The following AK9 variants were observed in gnomAD, a reference collection of about 807,000 sequenced individuals.
AK9 encodes adenylate kinase domain containing 1.
In AK9, 191 loss-of-function variants were observed where a neutral mutation model predicts 239.6. The ratio of observed to expected loss-of-function variants is 0.80; its 90% CI spans 0.71 to 0.90. The LOEUF is 0.90. Ranked by LOEUF, AK9 falls within the 40% of genes least tolerant of loss-of-function variation. The pLI, the probability that AK9 is intolerant of heterozygous loss-of-function variation, is 0.00. For missense variants in AK9, 1,995 were observed against 2,214.7 expected (o/e 0.90, Z 1.99); for synonymous variants, 689 against 721.0 (o/e 0.96, Z 0.71).
intron 35 of AK9, among the ~76,000 whole-genome samples, chr6:109,504,769 A>G (rs1031990750): frequency 6.6e-6 from 1 of 152,216 alleles, no homozygotes; most frequent in Admixed American, 6.5e-5. Context: ...AGATCACACC[A>G]CTGCACTCCA....
At chr6:109,538,963 C>G (rs1782444689) in intron 27 of AK9, among the ~76,000 whole-genome samples, 1 of 152,178 alleles carries the variant, frequency 6.6e-6, no homozygotes, top group African/African-American at 2.4e-5. Context: ...AGAGTTTCTG[C>G]CGAGAGATCC....
chr6:109,522,311 C>A (rs754521719), intron 29 of AK9, among the ~76,000 whole-genome samples: 1 of 151,948 alleles, frequency 6.6e-6, no homozygotes, highest in African/African-American at 2.4e-5. Context: ...AATTTGAAGA[C>A]CTCCTGCTCT....
intron 1 of AK9, among the ~76,000 whole-genome samples, chr6:109,684,074 G>A (rs1044233811): frequency 1.3e-5 from 2 of 152,182 alleles, no homozygotes; most frequent in Non-Finnish European, 2.9e-5. Flanking sequence ...GAACAGAACA[G>A]AGGCCTCAGA....
At chr6:109,595,201 G>A (rs1312518095) in intron 17 of AK9, among the ~76,000 whole-genome samples, 1 of 152,192 alleles carries the variant, frequency 6.6e-6, no homozygotes, top group Non-Finnish European at 1.5e-5. Context: ...CAAAGGATAT[G>A]AACAGACACT....
At chr6:109,672,844 C>T (rs1562593603) in intron 3 of AK9, among the ~76,000 whole-genome samples, 1 of 152,138 alleles carries the variant, frequency 6.6e-6, no homozygotes, top group African/African-American at 2.4e-5. Context: ...CATTTAGTTA[C>T]AAAAGTATGC....
Position 109,614,494 on chromosome 6 carries a change from A to G in AK9, c.1400-14T>C, listed in dbSNP as rs1793932210. 1.3e-6 allele frequency: 2 copies of G among 1,547,348 alleles called. No homozygotes were observed. Among genetic ancestry groups the G allele is most frequent in the African/African-American group, 2.7e-5 (2 of 73,032 alleles). On this transcript the variant is annotated splice_polypyrimidine_tract_variant and intron_variant, in intron 13 of 40. Coordinates refer to ENST00000424296, the MANE Select transcript of AK9 (RefSeq NM_001145128.3). ...AAGCTGTTTCAGCTGAAATATAACA[A>G]TGGGTGGTGTTAGCAAAACGTAGTT...
chr6:109,598,093 C>G (rs961971972), intron 17 of AK9, among the ~76,000 whole-genome samples: 2 of 151,984 alleles, frequency 1.3e-5, no homozygotes, highest in Non-Finnish European at 1.5e-5. Context: ...TTAAATTATA[C>G]TTTAAGTTCT....
chr6:109,656,641 A>C (rs879682098), intron 8 of AK9, 115 bp downstream of exon 8: 23 of 1,197,224 alleles, frequency 1.9e-5, no homozygotes, highest in Non-Finnish European at 2.6e-5. Flanking sequence ...TACAAAGCTC[A>C]AGGGGAGAAT....
intron 17 of AK9, among the ~76,000 whole-genome samples, chr6:109,602,296 T>C (rs1792125958): frequency 6.6e-6 from 1 of 152,226 alleles, no homozygotes; most frequent in African/African-American, 2.4e-5. Context: ...CAGCATTTGC[T>C]TGTCTATAAA....
intron 21 of AK9, among the ~76,000 whole-genome samples, chr6:109,569,266 T>C (rs1465217494): frequency 1.3e-5 from 2 of 152,170 alleles, no homozygotes; most frequent in African/African-American, 4.8e-5. Context: ...TTACATCTTA[T>C]ACAAAAATTA....
At chr6:109,664,224 G>A (rs1800847000) in intron 5 of AK9, among the ~76,000 whole-genome samples, 1 of 151,880 alleles carries the variant, frequency 6.6e-6, no homozygotes, top group African/African-American at 2.4e-5. Context: ...ACTACTTATG[G>A]AGCCTCAACA....
chr6:109,620,069 T>C (rs1243147042), intron 12 of AK9, among the ~76,000 whole-genome samples: 2 of 152,144 alleles, frequency 1.3e-5, no homozygotes, highest in African/African-American at 4.8e-5. Flanking sequence ...GATAGACATT[T>C]GGGTTGTGTT....
At chr6:109,545,147 T>C (rs929019781) in intron 26 of AK9, among the ~76,000 whole-genome samples, 4 of 152,184 alleles carry the variant, frequency 2.6e-5, no homozygotes, top group Non-Finnish European at 5.9e-5. Context: ...GCTGTCTGCA[T>C]AGATTAGTAC....
intron 25 of AK9, 77 bp downstream of exon 25, chr6:109,550,013 G>T: frequency 7.0e-7 from 1 of 1,421,426 alleles, no homozygotes. Flanking sequence ...TCACCCTTAA[G>T]TAAATTGATG....
At chr6:109,526,570 G>A (rs935209020) in intron 29 of AK9, among the ~76,000 whole-genome samples, 7 of 152,036 alleles carry the variant, frequency 4.6e-5, no homozygotes, top group Non-Finnish European at 2.9e-5. Context: ...CCAGGAGAGC[G>A]ATGGATTTTT....
intron 18 of AK9, among the ~76,000 whole-genome samples, 190 bp downstream of exon 18, chr6:109,585,726 A>C (rs574040331): frequency 1.3e-5 from 2 of 152,292 alleles, no homozygotes; most frequent in East Asian, 1.9e-4. Context: ...ACATTCAACC[A>C]TCCGGCACTT....
chr6:109,596,274 G>A (rs1178849304), intron 17 of AK9, among the ~76,000 whole-genome samples: 2 of 152,320 alleles, frequency 1.3e-5, no homozygotes, highest in South Asian at 4.1e-4. Flanking sequence ...TAACTGGGCT[G>A]ACCCACCTAC....
chr6:109,637,915 G>A (rs1343931484), intron 10 of AK9, among the ~76,000 whole-genome samples: 1 of 152,198 alleles, frequency 6.6e-6, no homozygotes, highest in Non-Finnish European at 1.5e-5. Flanking sequence ...TACATTTTCA[G>A]GTTCCATCTC....
intron 1 of AK9, among the ~76,000 whole-genome samples, chr6:109,677,962 G>A (rs1344119244): frequency 6.6e-6 from 1 of 152,172 alleles, no homozygotes; most frequent in African/African-American, 2.4e-5. Context: ...CTCATACATT[G>A]CTGGTGGGAA....
Sources: gnomAD v4.1 joint callset for allele counts (sites outside exome capture counted in the v4.1 genomes callset) on GRCh38, gnomAD v4.1.1 for gene constraint, MANE v1.5 for transcripts, NCBI Gene and HGNC (gene_info 2026-07-23, HGNC 2026-07-21) for gene names.